The following KLF16 variants were observed in gnomAD, a reference collection of about 807,000 sequenced individuals.
KLF16 encodes the protein KLF transcription factor 16, also known as Krueppel-like factor 16.
In KLF16, 6 loss-of-function variants were observed where a neutral mutation model predicts 6.1. That is an observed-to-expected ratio of 0.98 (90% CI 0.54 to 1.93). The LOEUF is 1.93. KLF16 is among the 30% of genes most tolerant of loss of function. The pLI is 0.01. For synonymous variants in KLF16, 211 were observed against 176.5 expected, an observed-to-expected ratio of 1.20 and a Z score of -1.55; for missense variants, 355 against 363.8, an observed-to-expected ratio of 0.98 and a Z score of 0.20.
chr19:1,857,503 C>T lies in KLF16; in HGVS notation c.458-2743G>A, dbSNP rs768406604. Among the ~76,000 whole-genome samples, 7 of 152,200 alleles carry T rather than the reference C, an allele frequency of 4.6e-5. No homozygotes were observed. Among genetic ancestry groups the T allele is most frequent in the Non-Finnish European group, 8.8e-5 (6 of 68,022 alleles). ...GGTGAGCTCAGGACAGCCTCGGAAA[C>T]AGGCAGGCTCAGAAAAATGGAGTCC... On this transcript the variant is annotated intron_variant, in intron 1 of 1. Coordinates refer to ENST00000250916, the MANE Select transcript of KLF16 (RefSeq NM_031918.4). This position sits in a 1 kb window ranked among gnomAD's most constrained non-coding sequence, Gnocchi z 4.7.
intron 1 of KLF16, among the ~76,000 whole-genome samples, chr19:1,860,015 G>A (rs2012031190): frequency 6.6e-6 from 1 of 152,038 alleles, no homozygotes; most frequent in African/African-American, 2.4e-5. Context: ...AGAAGCCCTG[G>A]GTGAGAAGAA....
At chr19:1,870,292 A>G in the KLF16 span, among the ~76,000 whole-genome samples, 7 of 152,100 alleles carry the variant, frequency 4.6e-5, no homozygotes, top group Non-Finnish European at 8.8e-5. Context: ...GAATAATAAT[A>G]ATGACAATGG....
chr19:1,860,122 G>GC (rs1286679522), intron 1 of KLF16: 1 of 147,868 alleles, frequency 6.8e-6, no homozygotes. Flanking sequence ...GCCGGGGGCG[G>GC]GGGGGGGGCC....
At chr19:1,865,620 A>C (rs376514583), upstream of KLF16, among the ~76,000 whole-genome samples, 19 of 152,154 alleles carry the variant, frequency 1.2e-4, no homozygotes, top group East Asian at 3.5e-3. Flanking sequence ...GTGAGACTCC[A>C]TTGTCTGCCC....
chr19:1,861,254 A>G (rs1454748382), intron 1 of KLF16, among the ~76,000 whole-genome samples: 1 of 152,198 alleles, frequency 6.6e-6, no homozygotes, highest in Non-Finnish European at 1.5e-5. Flanking sequence ...CCAGAAACTC[A>G]GAAAACCCAA....
intron 1 of KLF16, among the ~76,000 whole-genome samples, chr19:1,856,949 C>G (rs1351546130): frequency 4.7e-5 from 2 of 42,706 alleles, no homozygotes; most frequent in Non-Finnish European, 8.3e-5. Context: ...GAGCAGGTTG[C>G]CGGGGTGGGG....
upstream of KLF16, among the ~76,000 whole-genome samples, chr19:1,863,980 C>T (rs1163629350): frequency 6.8e-6 from 1 of 147,370 alleles, no homozygotes; most frequent in Non-Finnish European, 1.5e-5. Flanking sequence ...AGCACCACCC[C>T]CTCAAGCCGG....
chr19:1,856,280 C>T (rs568991775), intron 1 of KLF16, among the ~76,000 whole-genome samples: 2 of 152,198 alleles, frequency 1.3e-5, no homozygotes, highest in East Asian at 1.9e-4. Context: ...AGGAGGGGCA[C>T]GGGAGGGTGG....
chr19:1,874,596 A>G, the KLF16 span, among the ~76,000 whole-genome samples: 9 of 152,090 alleles, frequency 5.9e-5, no homozygotes, highest in African/African-American at 2.2e-4. Flanking sequence ...GGAGCCGTAA[A>G]GAGAAAAAAA....
At chr19:1,859,745 G>C (rs1393149596) in intron 1 of KLF16, among the ~76,000 whole-genome samples, 1 of 152,198 alleles carries the variant, frequency 6.6e-6, no homozygotes, top group Non-Finnish European at 1.5e-5. Context: ...CCTAAGTCCT[G>C]GGGCGCGGGG....
chr19:1,858,830 G>A (rs2012005595), intron 1 of KLF16, among the ~76,000 whole-genome samples: 1 of 152,066 alleles, frequency 6.6e-6, no homozygotes, highest in African/African-American at 2.4e-5. Flanking sequence ...CTCTGTTCCA[G>A]AAATGGTCTA....
chr19:1,865,979 C>G (rs549997985), upstream of KLF16, among the ~76,000 whole-genome samples: 11 of 152,246 alleles, frequency 7.2e-5, no homozygotes, highest in African/African-American at 2.4e-4. Context: ...GCCGGGGCAA[C>G]GTAATGAAAC....
chr19:1,869,107 GA>G, the KLF16 span, among the ~76,000 whole-genome samples: 1 of 152,166 alleles, frequency 6.6e-6, no homozygotes, highest in African/African-American at 2.4e-5. Flanking sequence ...GCCAGGAAAG[GA>G]AAAGACTTTG....
upstream of KLF16, among the ~76,000 whole-genome samples, chr19:1,865,121 T>C (rs1313313754): frequency 6.6e-6 from 1 of 152,176 alleles, no homozygotes; most frequent in Non-Finnish European, 1.5e-5. Flanking sequence ...GAGCCCTCCC[T>C]GGGCCCCAGT....
chr19:1,864,066 C>T, upstream of KLF16, among the ~76,000 whole-genome samples: 1 of 147,350 alleles, frequency 6.8e-6, no homozygotes, highest in Non-Finnish European at 1.5e-5. Context: ...CATCCCGGCA[C>T]GCCCCTCCCT....
chr19:1,873,984 C>G, the KLF16 span, among the ~76,000 whole-genome samples: 1 of 152,246 alleles, frequency 6.6e-6, no homozygotes, highest in Non-Finnish European at 1.5e-5. Context: ...GCCAGCATCG[C>G]GCACCGTGAA....
chr19:1,874,220 G>C, the KLF16 span, among the ~76,000 whole-genome samples: 5 of 152,144 alleles, frequency 3.3e-5, no homozygotes, highest in African/African-American at 1.2e-4. Context: ...CTTGCCTGCT[G>C]TTCAGGAGAA....
At position 1,857,573 on chromosome 19, in the gene KLF16, G is replaced by A. The variant is rs891743675; in HGVS notation, c.458-2813C>T. Among the ~76,000 whole-genome samples, 2 of 152,194 alleles carry A rather than the reference G, an allele frequency of 1.3e-5. No homozygotes were observed. Among genetic ancestry groups the A allele is most frequent in the African/African-American group, 4.8e-5 (2 of 41,450 alleles). On this transcript the variant is annotated intron_variant, in intron 1 of 1. Transcript: ENST00000250916. The surrounding 1 kb of genome is among the most constrained non-coding windows in gnomAD (Gnocchi z 4.7). ...GCCCGGCCCCGTCTGAGCCGGCACA[G>A]GAGGGGCCTGGAGACAGGACTGCGG...
upstream of KLF16, among the ~76,000 whole-genome samples, chr19:1,867,082 G>A (rs958056452): frequency 7.2e-5 from 11 of 152,212 alleles, no homozygotes; most frequent in Non-Finnish European, 1.6e-4. Flanking sequence ...GCACCCAGGT[G>A]TTGCTGGGAG....
Sources: gnomAD v4.1 joint callset for allele counts (sites outside exome capture counted in the v4.1 genomes callset) on GRCh38, gnomAD v4.1.1 for gene constraint, Gnocchi (gnomAD v3.1) non-coding constraint, MANE v1.5 for transcripts, NCBI Gene and HGNC (gene_info 2026-07-23, HGNC 2026-07-21) for gene names.